The following MYLK variants were observed in gnomAD, a reference collection of about 807,000 sequenced individuals.
MYLK encodes myosin light chain kinase, also known as myosin light chain kinase, smooth muscle.
MYLK carries 106 observed loss-of-function variants against 203.4 expected under a neutral mutation model. The ratio of observed to expected loss-of-function variants is 0.52; its 90% CI spans 0.45 to 0.61. The LOEUF is 0.61. MYLK is among the 20% of genes least tolerant of loss of function. MYLK has a pLI of 0.00. For synonymous variants in MYLK, 867 were observed against 959.5 expected, an observed-to-expected ratio of 0.90 and a Z score of 1.78; for missense variants, 2,072 against 2,442.3, an observed-to-expected ratio of 0.85 and a Z score of 3.20.
In MYLK at chr3:123,614,028, G is replaced by GGT. The variant is rs879035240; in HGVS notation, c.*76_*77insAC. 4.4e-4 allele frequency: 572 copies of GGT among 1,291,884 alleles called. 2 individuals carry two copies. In the African/African-American group the frequency reaches 7.0e-3, roughly 16 times the overall value. The allele number at this position is 1,291,884 out of a possible 1,614,324, so 80.0% of individuals were successfully genotyped here. On this transcript the variant is annotated 3_prime_UTR_variant, in exon 34 of 34. Transcript: ENST00000360304. ...ACACTAGGTGCTTTTACTATCTTGA[G>GGT]TTTTTTTTTTTTTTTTGAGTTTTAG...
At position 123,733,922 on chromosome 3, in the gene MYLK, T is replaced by G; in HGVS notation, c.1074A>C (p.Ala358=). Residue 358 remains alanine (A), a synonymous_variant, in exon 10 of 34, where the codon GCA becomes GCC. Coordinates refer to ENST00000360304, the MANE Select transcript of MYLK (RefSeq NM_053025.4). ...QAARVQPEPR[A]PGLGVLSPSG... ...AAGGTGATAGGACCCCCAGGCCTGG[T>G]GCTCTTGGTTCCGGCTGAACTCTTG... 6.2e-7 allele frequency: 1 copy of G among 1,614,186 alleles called. No individual in the cohort carries two copies. The highest frequency in any genetic ancestry group is 8.5e-7 in the Non-Finnish European group (1 of 1,180,032).
At position 123,643,413 on chromosome 3, in the gene MYLK, T is replaced by C. The variant is rs77193122; in HGVS notation, c.4620-2909A>G. ...GTGGGAATCTGAGCCATGGAGATAA[T>C]TCCTGCTGCATTTCTGGAGGAAACC... On this transcript the variant is annotated intron_variant, in intron 27 of 33. Coordinates refer to ENST00000360304, the MANE Select transcript of MYLK (RefSeq NM_053025.4). Among the ~76,000 whole-genome samples, 1,645 of 152,334 alleles carry C rather than the reference T, an allele frequency of 0.011. 67 individuals carry two copies. The East Asian group carries it at 0.14, about 13-fold the overall frequency.
At chr3:123,706,257 T>A (rs73200085) in intron 16 of MYLK, among the ~76,000 whole-genome samples, 504 of 152,120 alleles carry the variant, frequency 3.3e-3, no homozygotes, top group Non-Finnish European at 6.1e-3. Flanking sequence ...AGTATTGGGG[T>A]GGTTCGTTAT....
chr3:123,739,283 T>C (rs771508093), intron 6 of MYLK, among the ~76,000 whole-genome samples: 1 of 152,272 alleles, frequency 6.6e-6, no homozygotes, highest in South Asian at 2.1e-4. Flanking sequence ...CTTCATTTAC[T>C]AGCCTTCCTT....
chr3:123,760,414 G>A (rs1186189408), intron 4 of MYLK, among the ~76,000 whole-genome samples: 2 of 152,194 alleles, frequency 1.3e-5, no homozygotes, highest in Admixed American at 1.3e-4. Flanking sequence ...CCGACCTAAG[G>A]TGATCCATCT....
intron 4 of MYLK, among the ~76,000 whole-genome samples, chr3:123,763,084 A>T (rs1407950086): frequency 1.3e-5 from 2 of 152,206 alleles, no homozygotes; most frequent in Admixed American, 6.5e-5. Context: ...TCTTCACTAC[A>T]TTCTAACTTT....
intron 13 of MYLK, among the ~76,000 whole-genome samples, chr3:123,714,834 G>C (rs2061836548): frequency 6.6e-6 from 1 of 152,186 alleles, no homozygotes; most frequent in South Asian, 2.1e-4. Flanking sequence ...TGACAGAATG[G>C]AAAAGGATTG....
chr3:123,807,328 C>T (rs2065403925), intron 3 of MYLK, among the ~76,000 whole-genome samples: 1 of 151,944 alleles, frequency 6.6e-6, no homozygotes, highest in African/African-American at 2.4e-5. Context: ...ACTCTGGAGG[C>T]TGAGGCAGGA....
chr3:123,782,483 C>T (rs2064337638), intron 4 of MYLK, among the ~76,000 whole-genome samples: 1 of 152,168 alleles, frequency 6.6e-6, no homozygotes, highest in Admixed American at 6.5e-5. Context: ...TACTTATTAA[C>T]TTTACTTAGA....
intron 13 of MYLK, among the ~76,000 whole-genome samples, chr3:123,710,878 T>C (rs1294653288): frequency 6.6e-6 from 1 of 152,164 alleles, no homozygotes; most frequent in African/African-American, 2.4e-5. Context: ...CAATGGAATA[T>C]TACTCAGCAA....
intron 4 of MYLK, among the ~76,000 whole-genome samples, chr3:123,774,087 G>A (rs1032685039): frequency 1.3e-5 from 2 of 152,300 alleles, no homozygotes; most frequent in African/African-American, 2.4e-5. Flanking sequence ...GAGGCTGGGC[G>A]CCAACCTTCT....
chr3:123,667,079 G>A (rs961722580), intron 21 of MYLK, 58 bp downstream of exon 21: 8 of 1,548,240 alleles, frequency 5.2e-6, no homozygotes, highest in Middle Eastern at 1.7e-4. Flanking sequence ...GCAAGGTAAA[G>A]GCAAAACCCC....
intron 13 of MYLK, among the ~76,000 whole-genome samples, chr3:123,713,045 A>C (rs1472465677): frequency 1.3e-5 from 2 of 152,184 alleles, no homozygotes; most frequent in Non-Finnish European, 2.9e-5. Flanking sequence ...ATATCATGGG[A>C]TATATCTCAA....
chr3:123,854,833 G>C (rs1160716577), intron 2 of MYLK, among the ~76,000 whole-genome samples: 1 of 152,070 alleles, frequency 6.6e-6, no homozygotes. Context: ...TTATATTCTT[G>C]GTCTTTGTTT....
At chr3:123,883,079 A>T (rs1333008221) in intron 1 of MYLK, among the ~76,000 whole-genome samples, 1 of 152,198 alleles carries the variant, frequency 6.6e-6, no homozygotes, top group African/African-American at 2.4e-5. Flanking sequence ...GGTCCTCCTA[A>T]GCCCACCATC....
At chr3:123,872,632 G>T (rs988187187) in intron 2 of MYLK, among the ~76,000 whole-genome samples, 6 of 152,128 alleles carry the variant, frequency 3.9e-5, no homozygotes, top group Non-Finnish European at 8.8e-5. Context: ...TATTTTACAG[G>T]ATACAATCTA....
intron 11 of MYLK, 112 bp downstream of exon 11, chr3:123,732,784 G>C: frequency 9.6e-7 from 1 of 1,040,588 alleles, no homozygotes. Flanking sequence ...TTTCTGTCGG[G>C]CTGTGCACCA....
At chr3:123,622,231 G>A (rs980950273) in intron 31 of MYLK, 4 of 152,182 alleles carry the variant, frequency 2.6e-5, no homozygotes, top group African/African-American at 9.7e-5. Context: ...GTTTGTCCTG[G>A]GCTAGGAGCC....
intron 4 of MYLK, 54 bp from the exon 5 acceptor site, chr3:123,752,592 G>T: frequency 6.6e-7 from 1 of 1,523,950 alleles, no homozygotes; most frequent in Non-Finnish European, 8.9e-7. Flanking sequence ...TACTCTCTCT[G>T]TGTCAGGTAT....
Sources: gnomAD v4.1 joint callset for allele counts (sites outside exome capture counted in the v4.1 genomes callset) on GRCh38, gnomAD v4.1.1 for gene constraint, MANE v1.5 for transcripts, NCBI Gene and HGNC (gene_info 2026-07-23, HGNC 2026-07-21) for gene names.